The following TAS2R1 variants were observed in gnomAD, a reference collection of about 807,000 sequenced individuals.
TAS2R1 encodes the protein taste receptor type 2 member 1.
For missense variants in TAS2R1, 370 were observed against 353.4 expected (o/e 1.05, Z -0.38); for synonymous variants, 141 against 134.2 (o/e 1.05, Z -0.35).
the TAS2R1 span, among the ~76,000 whole-genome samples, chr5:9,751,753 A>C: frequency 6.6e-6 from 1 of 152,232 alleles, no homozygotes; most frequent in Admixed American, 6.5e-5. Context: ...ATTGTTATGC[A>C]CAAAATCTTC....
At chr5:9,696,198 C>A (rs142491960) in intron 1 of TAS2R1, among the ~76,000 whole-genome samples, 271 of 152,138 alleles carry the variant, frequency 1.8e-3, no homozygotes, top group African/African-American at 6.5e-3. Flanking sequence ...AAACTTAAAA[C>A]TGATAAAATA....
At chr5:9,737,426 C>T in the TAS2R1 span, among the ~76,000 whole-genome samples, 1 of 152,192 alleles carries the variant, frequency 6.6e-6, no homozygotes, top group Admixed American at 6.5e-5. Context: ...ATAACAATGT[C>T]ATAAAATCTT....
chr5:9,874,902 T>TC, the TAS2R1 span, among the ~76,000 whole-genome samples: 19 of 152,056 alleles, frequency 1.2e-4, no homozygotes, highest in Non-Finnish European at 7.4e-5. Context: ...ATTTTAAACT[T>TC]CCCCCAAAAG....
intron 2 of TAS2R1, among the ~76,000 whole-genome samples, chr5:9,642,555 C>T (rs1373528164): frequency 1.3e-5 from 2 of 152,200 alleles, no homozygotes; most frequent in African/African-American, 4.8e-5. Context: ...ATTTGCTTCT[C>T]TCCACTTGAA....
chr5:9,722,671 T>A, the TAS2R1 span, among the ~76,000 whole-genome samples: 9 of 152,350 alleles, frequency 5.9e-5, no homozygotes, highest in East Asian at 1.7e-3. Flanking sequence ...TCCTTTCCAT[T>A]GCCTGAGCTA....
the TAS2R1 span, among the ~76,000 whole-genome samples, chr5:9,726,940 T>C: frequency 6.6e-6 from 1 of 152,248 alleles, no homozygotes; most frequent in African/African-American, 2.4e-5. Flanking sequence ...GGAGTTTTCA[T>C]GTAAATCATG....
chr5:9,731,772 T>C, the TAS2R1 span, among the ~76,000 whole-genome samples: 1 of 152,334 alleles, frequency 6.6e-6, no homozygotes, highest in East Asian at 1.9e-4. Context: ...TGTGGTTGTG[T>C]CACTTTTTGA....
the TAS2R1 span, among the ~76,000 whole-genome samples, chr5:9,803,094 A>C: frequency 4.3e-4 from 66 of 152,350 alleles, no homozygotes; most frequent in African/African-American, 1.6e-3. Context: ...AGAGAAATGC[A>C]AAATGTACTG....
chr5:9,810,953 G>A, the TAS2R1 span, among the ~76,000 whole-genome samples: 2 of 152,146 alleles, frequency 1.3e-5, no homozygotes, highest in Non-Finnish European at 2.9e-5. Flanking sequence ...CCCCAGCTAT[G>A]CCCCAAGACT....
chr5:9,640,493 T>G, intron 2 of TAS2R1, among the ~76,000 whole-genome samples: 1 of 77,544 alleles, frequency 1.3e-5, no homozygotes, highest in Non-Finnish European at 2.4e-5. Flanking sequence ...AACCTTCAAT[T>G]CCTTAAAAAA....
chr5:9,851,096 A>G, the TAS2R1 span, among the ~76,000 whole-genome samples: 1 of 152,202 alleles, frequency 6.6e-6, no homozygotes, highest in Admixed American at 6.5e-5. Context: ...TGCCTGCAAG[A>G]CAGCTGGATA....
the TAS2R1 span, among the ~76,000 whole-genome samples, chr5:9,725,273 G>A: frequency 4.0e-4 from 61 of 152,242 alleles, no homozygotes; most frequent in Admixed American, 5.2e-4. Context: ...GGCCAAGGCC[G>A]GAGCCGGCTT....
the TAS2R1 span, among the ~76,000 whole-genome samples, chr5:9,885,041 C>T: frequency 6.6e-6 from 1 of 152,192 alleles, no homozygotes; most frequent in Non-Finnish European, 1.5e-5. Context: ...TATACATAAA[C>T]TAACTCTTTC....
rs545697432 is a variant in TAS2R1 at position 9,636,270 on chromosome 5, T to A, written c.-80-6278A>T. ...TTGAGAGTTCCTTATGGAGTTAATTTCCAGTTTTATTTCACTGTAGTCCGA... is the reference window on the plus strand; with the variant it reads ...TTGAGAGTTCCTTATGGAGTTAATTACCAGTTTTATTTCACTGTAGTCCGA... On this transcript the variant is annotated intron_variant, in intron 2 of 2. Coordinates refer to the TAS2R1 transcript ENST00000506620. Among the ~76,000 whole-genome samples, 9 of 152,274 alleles carry A rather than the reference T, an allele frequency of 5.9e-5. No individual in the cohort carries two copies. In the East Asian group the frequency reaches 1.7e-3, roughly 29 times the overall value.
At chr5:9,795,588 G>A in the TAS2R1 span, among the ~76,000 whole-genome samples, 3 of 152,140 alleles carry the variant, frequency 2.0e-5, no homozygotes, top group Non-Finnish European at 4.4e-5. Flanking sequence ...AGCTGCTATA[G>A]GGCATAATTT....
rs761729701 is a variant in TAS2R1, at chr5:9,627,697, C to T, written c.*1436G>A. Among the ~76,000 whole-genome samples, 30 of 152,230 alleles carry T rather than the reference C, an allele frequency of 2.0e-4. No individual in the cohort carries two copies. The highest frequency in any genetic ancestry group is 3.8e-4 in the Non-Finnish European group (26 of 68,042). On this transcript the variant is annotated 3_prime_UTR_variant, in exon 1 of 1. Transcript: ENST00000382492. ...CAGGATACAACTGATCTTCCCACAG[C>T]TGGCTTCCTGAGTGCGTGATTAGCT... is the stretch of plus-strand genomic sequence containing the variant.
the TAS2R1 span, among the ~76,000 whole-genome samples, chr5:9,789,133 G>T: frequency 2.0e-5 from 3 of 152,110 alleles, no homozygotes; most frequent in Non-Finnish European, 2.9e-5. Flanking sequence ...AGCTTTGAAA[G>T]AATTACCATC....
chr5:9,745,538 C>A, the TAS2R1 span, among the ~76,000 whole-genome samples: 1 of 152,038 alleles, frequency 6.6e-6, no homozygotes, highest in Non-Finnish European at 1.5e-5. Context: ...CTACAGTAAC[C>A]AAAACAGCAT....
the TAS2R1 span, among the ~76,000 whole-genome samples, chr5:9,772,173 C>T: frequency 6.6e-6 from 1 of 151,984 alleles, no homozygotes; most frequent in Non-Finnish European, 1.5e-5. Flanking sequence ...ACTGTTTTTG[C>T]TATATCCCAT....
Sources: gnomAD v4.1 joint callset for allele counts (sites outside exome capture counted in the v4.1 genomes callset) on GRCh38, gnomAD v4.1.1 for gene constraint, MANE v1.5 for transcripts, NCBI Gene and HGNC (gene_info 2026-07-23, HGNC 2026-07-21) for gene names.